RLIM: variants seen among roughly 807,000 people sequenced by gnomAD.
RLIM encodes the protein E3 ubiquitin-protein ligase RLIM.
RLIM carries 2 observed loss-of-function variants against 34.0 expected under a neutral mutation model. The observed-to-expected ratio is 0.06, with a 90% CI of 0.02 to 0.19. The LOEUF is 0.19. Among genes scored for constraint, RLIM ranks in the 10% least tolerant of loss-of-function variants. RLIM has a pLI of 1.00. For missense variants in RLIM, 286 were observed against 479.7 expected (o/e 0.60, Z 3.77); for synonymous variants, 169 against 164.0 (o/e 1.03, Z -0.23).
At chrX:74,610,592 T>G (rs2079705546) in intron 1 of RLIM, among the ~76,000 whole-genome samples, 1 of 110,212 alleles carries the variant, frequency 9.1e-6, no homozygotes, top group Admixed American at 9.7e-5. Context: ...TGAGGTATAT[T>G]TAAAAAATAC....
Position 74,595,724 on chromosome X carries a change from G to T in RLIM, c.169+85C>A, listed in dbSNP as rs1246369935. ...TAAATAATATTTCATAAGGGCTAAA[G>T]AAATGGATTTTTAAAACAGGTTCAA... On this transcript the variant is annotated intron_variant, in intron 2 of 3. Coordinates refer to ENST00000332687, the MANE Select transcript of RLIM (RefSeq NM_016120.4). 4.3e-6 allele frequency: 3 copies of T among 690,723 alleles called. No individual in the cohort carries two copies. In the African/African-American group the frequency reaches 6.9e-5, roughly 16 times the overall value. The allele number at this position is 690,723 out of a possible 1,213,427, so 56.9% of individuals were successfully genotyped here.
In RLIM at chrX:74,592,724, T is replaced by C; in HGVS notation, c.591A>G (p.Glu197=). The C allele has an allele frequency of 8.3e-7, 1 of 1,211,962 alleles. No individual in the cohort carries two copies. The highest frequency in any genetic ancestry group is 1.8e-5 in the South Asian group (1 of 57,013). The change falls in exon 4 of 4, where the codon GAA becomes GAG. Residue 197 remains glutamate (E), a synonymous_variant. Transcript: ENST00000332687. ...TGGTAGGTGGGACCTCTGTTAACGC[T>C]TCAGTTGAATTTCGTTCTGATCTAG... is the stretch of plus-strand genomic sequence containing the variant. ...RPSRSERNST[E]ALTEVPPTRG...
chrX:74,607,003 C>G (rs779153874), intron 1 of RLIM, among the ~76,000 whole-genome samples: 33 of 110,243 alleles, frequency 3.0e-4, no homozygotes, highest in African/African-American at 1.1e-3. Flanking sequence ...GGCATGGTAA[C>G]GCGCATCTGT....
In RLIM at chrX:74,591,671, G is replaced by A. The variant is rs1569309503; in HGVS notation, c.1644C>T (p.Leu548=). 1 of 1,211,507 alleles carries A rather than the reference G, an allele frequency of 8.3e-7. No individual in the cohort carries two copies. The highest frequency in any genetic ancestry group is 1.1e-6 in the Non-Finnish European group (1 of 895,392). ...NEDDDDQPRG[L]TKEQIDNLAM... ...CCAAGTTGTCAATCTGTTCTTTGGT[G>A]AGTCCTCTAGGTTGGTCATCATCAT... Residue 548 remains leucine (L), a synonymous_variant, in exon 4 of 4, where the codon CTC becomes CTT. Coordinates refer to ENST00000332687, the MANE Select transcript of RLIM (RefSeq NM_016120.4).
intron 1 of RLIM, among the ~76,000 whole-genome samples, chrX:74,602,526 G>A (rs893837404): frequency 9.0e-6 from 1 of 111,287 alleles, no homozygotes; most frequent in East Asian, 2.8e-4. Flanking sequence ...GAGGTCAGAA[G>A]TTTGAGACTA....
At chrX:74,605,173 C>T (rs1218756285) in intron 1 of RLIM, among the ~76,000 whole-genome samples, 2 of 111,867 alleles carry the variant, frequency 1.8e-5, no homozygotes, top group Non-Finnish European at 3.8e-5. Flanking sequence ...CAAGGCAATG[C>T]TCTCAAATGC....
Position 74,594,386 on chromosome X carries a change from T to C in RLIM, c.173A>G (p.Glu58Gly). 8.4e-7 allele frequency: 1 copy of C among 1,195,284 alleles called. No individual in the cohort carries two copies. The highest frequency in any genetic ancestry group is 1.1e-6 in the Non-Finnish European group (1 of 885,063). ...RDNNLLGTPG[E>G]STEEELLRRL... ...TCTCAGCAACTCTTCCTCAGTACTT[T>C]CACCTGAAATTTAACACCACAGGGC... Residue 58 changes from glutamate to glycine, a missense_variant, in exon 3 of 4, where the codon GAA becomes GGA. Glu to Gly is a moderately conservative substitution (Grantham distance 98, BLOSUM62 -2). Coordinates refer to ENST00000332687, the MANE Select transcript of RLIM (RefSeq NM_016120.4).
Position 74,587,774 on chromosome X carries a change from T to G in RLIM, c.*3666A>C, listed in dbSNP as rs1024244293. 4 of 111,811 alleles carry G rather than the reference T, an allele frequency of 3.6e-5. No individual in the cohort carries two copies. The highest frequency in any genetic ancestry group is 1.3e-4 in the African/African-American group (4 of 30,722). 9.2% of individuals were successfully genotyped at this position (111,811 alleles called of 1,213,427 possible). On this transcript the variant is annotated 3_prime_UTR_variant, in exon 4 of 4. Transcript: ENST00000332687. ...ATATTATGTGATAACCCTTCATAAATATAATTTGAGACACTGACACTAGGA... is the reference window on the plus strand; with the variant it reads ...ATATTATGTGATAACCCTTCATAAAGATAATTTGAGACACTGACACTAGGA...
intron 1 of RLIM, among the ~76,000 whole-genome samples, chrX:74,598,372 A>C (rs1399158036): frequency 9.0e-6 from 1 of 111,683 alleles, no homozygotes; most frequent in East Asian, 2.8e-4. Flanking sequence ...TCACACCTGT[A>C]ATCTCAGCAC....
Position 74,589,551 on chromosome X carries a change from C to A in RLIM, c.*1889G>T, listed in dbSNP as rs1343411296. 8.9e-6 allele frequency: 1 copy of A among 112,259 alleles called. No individual in the cohort carries two copies. Among genetic ancestry groups the A allele is most frequent in the Non-Finnish European group, 1.9e-5 (1 of 53,227 alleles). The allele number at this position is 112,259 out of a possible 1,213,427, so 9.3% of individuals were successfully genotyped here. A position where few individuals can be genotyped will look rare whatever the true frequency, so the allele number is the denominator to read the frequency against. On this transcript the variant is annotated 3_prime_UTR_variant, in exon 4 of 4. Transcript: ENST00000332687. ...AACTACCATATTTACAAGTTAATTT[C>A]CTTGATACTTAGATAGGATTGAAAG...
rs1354699183 is a variant in RLIM at position 74,611,238 on chromosome X, T to C, written c.-24+3184A>G. 3.6e-5 allele frequency among the ~76,000 whole-genome samples: 4 copies of C among 111,771 alleles called. No homozygotes were observed. The South Asian group carries it at 1.5e-3, about 41-fold the overall frequency. On this transcript the variant is annotated intron_variant, in intron 1 of 3. Coordinates refer to ENST00000332687, the MANE Select transcript of RLIM (RefSeq NM_016120.4). ...AATTTGTCATCCACTCTATGGTAAA[T>C]GAAGAGAACAGGAGGCTGGCTGGTG...
At chrX:74,613,401 A>C (rs752401825) in intron 1 of RLIM, among the ~76,000 whole-genome samples, 1 of 110,709 alleles carries the variant, frequency 9.0e-6, no homozygotes, top group Non-Finnish European at 1.9e-5. Flanking sequence ...AAATGAAAAA[A>C]AAAATGACCT....
intron 1 of RLIM, among the ~76,000 whole-genome samples, chrX:74,603,913 A>G (rs1354585258): frequency 9.0e-6 from 1 of 110,793 alleles, no homozygotes; most frequent in African/African-American, 3.3e-5. Context: ...TTCTGAGACC[A>G]GACTGGCCAA....
In RLIM at chrX:74,592,459, A is replaced by C; in HGVS notation, c.856T>G (p.Phe286Val). 1 of 1,211,867 alleles carries C rather than the reference A, an allele frequency of 8.3e-7. No individual in the cohort carries two copies. Among genetic ancestry groups the C allele is most frequent in the Non-Finnish European group, 1.1e-6 (1 of 895,540 alleles). The change falls in exon 4 of 4, where the codon TTT becomes GTT. Residue 286 changes from phenylalanine to valine, a missense_variant. Around this residue, in one of 6 missense-constraint regions of RLIM, gnomAD observed 121 missense variants for 182.4 expected, o/e 0.66. Coordinates refer to ENST00000332687, the MANE Select transcript of RLIM (RefSeq NM_016120.4). ...SGPELLSRGL[F>V]AASGTRNASQ... ...GCATTTCTTGTTCCAGAAGCTGCAAAAAGACCTCTACTTAGCAACTCAGGC... is the reference window on the plus strand; with the variant it reads ...GCATTTCTTGTTCCAGAAGCTGCAACAAGACCTCTACTTAGCAACTCAGGC...
intron 1 of RLIM, among the ~76,000 whole-genome samples, chrX:74,607,497 G>A (rs2079687596): frequency 8.9e-6 from 1 of 112,953 alleles, no homozygotes. Context: ...ATCACCTGAG[G>A]TCAGGAGTTC....
At chrX:74,599,443 T>C (rs1238058808) in intron 1 of RLIM, among the ~76,000 whole-genome samples, 1 of 112,097 alleles carries the variant, frequency 8.9e-6, no homozygotes, top group Non-Finnish European at 1.9e-5. Context: ...CTAAATTCCA[T>C]GAACATATGT....
Position 74,601,723 on chromosome X carries a change from G to A in RLIM, c.-23-5723C>T, listed in dbSNP as rs188732721. On this transcript the variant is annotated intron_variant, in intron 1 of 3. Coordinates refer to ENST00000332687, the MANE Select transcript of RLIM (RefSeq NM_016120.4). ...ATAGGGACATCAGGATAACACTGCT[G>A]ACTTACTGACTTGATTTCTGCACAG... Among the ~76,000 whole-genome samples, 8 of 111,549 alleles carry A rather than the reference G, an allele frequency of 7.2e-5. 1 individual carries two copies. The highest frequency in any genetic ancestry group is 2.3e-4 in the African/African-American group (7 of 30,722).
At chrX:74,599,725 G>C (rs1418175030) in intron 1 of RLIM, among the ~76,000 whole-genome samples, 1 of 111,475 alleles carries the variant, frequency 9.0e-6, no homozygotes, top group African/African-American at 3.3e-5. Flanking sequence ...CCAGAACTGT[G>C]AAAGATATGT....
intron 1 of RLIM, among the ~76,000 whole-genome samples, chrX:74,602,087 T>C (rs2079663876): frequency 8.9e-6 from 1 of 111,988 alleles, no homozygotes; most frequent in African/African-American, 3.2e-5. Context: ...AACAAATCCA[T>C]AAACAACTCG....
Sources: allele counts gnomAD v4.1 joint callset (sites outside exome capture counted in the v4.1 genomes callset), GRCh38; gene constraint gnomAD v4.1.1; regional missense constraint gnomAD v4.1.1; transcripts MANE v1.5; gene names NCBI Gene and HGNC (gene_info 2026-07-23, HGNC 2026-07-21).